The following TRIM14 variants were observed in gnomAD, a reference collection of about 807,000 sequenced individuals.
The protein encoded by TRIM14 is tripartite motif-containing protein 14.
Under a neutral mutation model 44.5 loss-of-function variants are expected in TRIM14, and 28 were observed. The observed-to-expected ratio is 0.63, with a 90% confidence interval of 0.47 to 0.86. The LOEUF (loss-of-function observed/expected upper bound fraction) is 0.86, where lower values mean the gene tolerates loss of function less well. Ranked by LOEUF, TRIM14 falls within the 40% of genes least tolerant of loss-of-function variation. The probability of loss-of-function intolerance (pLI) is 0.00; values close to 1 mark genes in which losing one functional copy is unlikely to be tolerated. For synonymous variants in TRIM14, 299 were observed against 269.2 expected, an observed-to-expected ratio of 1.11 and a Z score of -1.08; for missense variants, 607 against 611.1, an observed-to-expected ratio of 0.99 and a Z score of 0.07.
the TRIM14 span, among the ~76,000 whole-genome samples, chr9:98,059,771 A>T: frequency 6.7e-6 from 1 of 149,034 alleles, no homozygotes; most frequent in African/African-American, 2.5e-5. Flanking sequence ...CTTTTATATT[A>T]TTGCCTCTGC....
At chr9:98,097,992 A>C (rs1826245771) in intron 3 of TRIM14, among the ~76,000 whole-genome samples, 1 of 152,226 alleles carries the variant, frequency 6.6e-6, no homozygotes, top group Non-Finnish European at 1.5e-5. Flanking sequence ...GAACCGACTG[A>C]GGCCACATAA....
At chr9:98,094,823 A>G (rs1289706833) in intron 4 of TRIM14, 44 bp downstream of exon 4, 1 of 1,596,524 alleles carries the variant, frequency 6.3e-7, no homozygotes, top group Non-Finnish European at 8.6e-7. Context: ...GCTAAAGGAC[A>G]CTAGGGGAGT....
chr9:98,092,935 A>T lies in TRIM14; in HGVS notation c.701-934T>A, dbSNP rs574142461. Among the ~76,000 whole-genome samples, 29 of 152,270 alleles carry T rather than the reference A, an allele frequency of 1.9e-4. 2 individuals are homozygous for T. The highest frequency in any genetic ancestry group is 7.0e-4 in the African/African-American group (29 of 41,546). ...CGGATTCATGAATCGTTCATTGCTC[A>T]TTTAAACTCCTTTAAATTTAATTTG... On this transcript the variant is annotated intron_variant, in intron 4 of 5. Coordinates refer to ENST00000341469, the MANE Select transcript of TRIM14 (RefSeq NM_014788.4).
intron 3 of TRIM14, among the ~76,000 whole-genome samples, chr9:98,098,429 CGGCCGGGTG>C (rs1444567043): frequency 2.0e-5 from 3 of 152,222 alleles, no homozygotes; most frequent in South Asian, 2.1e-4. Context: ...GGAACACCAT[CGGCCGGGTG>C]CGGTGGCTCA....
downstream of TRIM14, among the ~76,000 whole-genome samples, chr9:98,082,684 C>T (rs1829931201): frequency 6.6e-6 from 1 of 152,180 alleles, no homozygotes; most frequent in Admixed American, 6.5e-5. Flanking sequence ...TGGTTGAATT[C>T]CTGCCATGTA....
At chr9:98,118,853 TG>T in intron 1 of TRIM14, 128 bp downstream of exon 1, 2 of 1,141,998 alleles carry the variant, frequency 1.8e-6, no homozygotes, top group South Asian at 3.5e-5. Flanking sequence ...AGACGCCCTC[TG>T]GGGCACCTTT....
rs572131932 is a variant in TRIM14 at position 98,094,966 on chromosome 9, C to T, written c.601G>A (p.Val201Met). ...TTGACGGGCTCAAAGGAGAGGGGCA[C>T]GGGATGGCACAGCTCCCCGAGGCTC... ...QMSLGELCHPVPLSFEPVKSF... is the reference protein window; with the variant it reads ...QMSLGELCHPMPLSFEPVKSF... Residue 201 changes from valine to methionine, a missense_variant, in exon 4 of 6, where the codon GTG becomes ATG. Val to Met is a conservative substitution (Grantham distance 21). This residue lies in a region of TRIM14 where 246 missense variants were observed against 270.8 expected (regional missense o/e 0.91). Coordinates refer to ENST00000341469, the MANE Select transcript of TRIM14 (RefSeq NM_014788.4). 3.5e-5 allele frequency: 56 copies of T among 1,614,010 alleles called. No individual in the cohort carries two copies. Among genetic ancestry groups the T allele is most frequent in the Middle Eastern group, 1.6e-4 (1 of 6,082 alleles).
At chr9:98,050,982 C>T in the TRIM14 span, among the ~76,000 whole-genome samples, 2 of 152,244 alleles carry the variant, frequency 1.3e-5, no homozygotes, top group African/African-American at 4.8e-5. Context: ...CCATGTTGGC[C>T]AGGACGATCT....
At position 98,088,004 on chromosome 9, in the gene TRIM14, GT is replaced by G; in HGVS notation, c.794del (p.Tyr265SerfsTer23). 6.5e-7 allele frequency: 1 copy of G among 1,530,240 alleles called. No individual in the cohort carries two copies. Among genetic ancestry groups the G allele is most frequent in the Non-Finnish European group, 8.7e-7 (1 of 1,152,280 alleles). 94.8% of individuals were successfully genotyped at this position (1,530,240 alleles called of 1,614,324 possible). On this transcript the variant is annotated frameshift_variant and splice_region_variant, in exon 6 of 6. Transcript: ENST00000341469. LOFTEE classifies it high-confidence loss of function. The stretch of plus-strand genomic sequence containing the variant: ...CAGGATCCAGCGTGGGCGTGCGCGC[GT>G]CTGCAGGGGGCGAGACAAGGGACGC... Reference protein sequence around the residue: ...PSPERSLLLKYARTPTLDPDT... With the variant: ...PSPERSLLLKXARTPTLDPDT...
downstream of TRIM14, among the ~76,000 whole-genome samples, chr9:98,065,658 T>C (rs1055839866): frequency 2.4e-4 from 36 of 150,464 alleles, no homozygotes; most frequent in African/African-American, 8.4e-4. Context: ...TTTTTCCCCC[T>C]GGAGACAGAA....
intron 1 of TRIM14, among the ~76,000 whole-genome samples, chr9:98,110,939 TGGGAGGCTGA>T (rs1195604493): frequency 2.0e-5 from 3 of 150,866 alleles, no homozygotes; most frequent in Non-Finnish European, 2.9e-5. Context: ...CCTAACTACT[TGGGAGGCTGA>T]GGTCAGGGGC....
At chr9:98,044,832 G>A in the TRIM14 span, among the ~76,000 whole-genome samples, 1 of 152,160 alleles carries the variant, frequency 6.6e-6, no homozygotes, top group African/African-American at 2.4e-5. Context: ...GCGCCTCTGA[G>A]CTCAGTGTGG....
chr9:98,087,723 C>T lies in TRIM14; in HGVS notation c.1076G>A (p.Arg359His). 6.3e-7 allele frequency: 1 copy of T among 1,591,408 alleles called. No homozygotes were observed. The highest frequency in any genetic ancestry group is 8.5e-7 in the Non-Finnish European group (1 of 1,175,748). Reference protein sequence around the residue: ...ASAAARLGCNRQSWCLKRYDL... With the variant: ...ASAAARLGCNHQSWCLKRYDL... ...GTAGCGCTTGAGGCACCAGGACTGG[C>T]GGTTGCAGCCCAGGCGGGCGGCGGC... is the stretch of plus-strand genomic sequence containing the variant. Residue 359 changes from arginine to histidine, a missense_variant, in exon 6 of 6, where the codon CGC becomes CAC. This residue lies in a region of TRIM14 where 356 missense variants were observed against 323.0 expected (regional missense o/e 1.10). Coordinates refer to ENST00000341469, the MANE Select transcript of TRIM14 (RefSeq NM_014788.4).
intron 5 of TRIM14, among the ~76,000 whole-genome samples, chr9:98,090,149 G>A (rs1825943186): frequency 6.6e-6 from 1 of 152,148 alleles, no homozygotes. Context: ...AGAAGTGAAA[G>A]GAAAGAATAA....
At chr9:98,078,867 A>G (rs1284787758) in intron 6 of TRIM14, among the ~76,000 whole-genome samples, 1 of 151,582 alleles carries the variant, frequency 6.6e-6, no homozygotes, top group East Asian at 1.9e-4. Flanking sequence ...CTGTCTGTCA[A>G]CAGACATTTG....
intron 2 of TRIM14, among the ~76,000 whole-genome samples, chr9:98,108,846 A>G (rs951582772): frequency 5.9e-5 from 8 of 135,838 alleles, no homozygotes; most frequent in African/African-American, 2.3e-4. Flanking sequence ...GGTCACAGCC[A>G]CTCCTCCTCT....
the TRIM14 span, among the ~76,000 whole-genome samples, chr9:98,054,196 C>G: frequency 6.6e-6 from 1 of 152,072 alleles, no homozygotes; most frequent in Admixed American, 6.6e-5. Flanking sequence ...CTGAGTTAGG[C>G]CTGCTGGACT....
At chr9:98,063,257 G>A in the TRIM14 span, among the ~76,000 whole-genome samples, 1 of 147,910 alleles carries the variant, frequency 6.8e-6, no homozygotes, top group African/African-American at 2.5e-5. Context: ...TTGTTTGCTT[G>A]TTTTGAGACA....
Position 98,078,110 on chromosome 9 carries a change from T to G in TRIM14, c.*29-8423A>C, listed in dbSNP as rs561672961. The G allele has an allele frequency of 1.1e-4, 174 of 1,574,172 alleles. 1 individual carries two copies. The highest frequency in any genetic ancestry group is 2.2e-4 in the Admixed American group (13 of 58,888). ...ATGTCTGTGGAGTTCAGTTGAATGA[T>G]GAGACCAGCAGTTGGGATGTGTTGG... On this transcript the variant is annotated intron_variant, in intron 6 of 6. Transcript: ENST00000375098.
Sources: gnomAD v4.1 joint callset for allele counts (sites outside exome capture counted in the v4.1 genomes callset) on GRCh38, gnomAD v4.1.1 for gene constraint, gnomAD v4.1.1 regional missense constraint, MANE v1.5 for transcripts, NCBI Gene and HGNC (gene_info 2026-07-23, HGNC 2026-07-21) for gene names.